Variants in HCN4 observed in about 807,000 individuals in gnomAD.
HCN4 encodes hyperpolarization activated cyclic nucleotide gated potassium channel 4.
A neutral mutation model predicts 76.9 loss-of-function variants in HCN4; 29 were observed. That is an observed-to-expected ratio of 0.38 (90% CI 0.28 to 0.51). The LOEUF is 0.51. HCN4 is among the 20% of genes least tolerant of loss of function. The probability of loss-of-function intolerance (pLI) is 0.90; values close to 1 mark genes in which losing one functional copy is unlikely to be tolerated. For synonymous variants in HCN4, 772 were observed against 762.5 expected (o/e 1.01, Z -0.21); for missense variants, 1,416 against 1,715.2 (o/e 0.83, Z 3.08).
At position 73,329,778 on chromosome 15, in the gene HCN4, C is replaced by T. The variant is rs146714274; in HGVS notation, c.1385G>A (p.Gly462Glu). The change falls in exon 4 of 8, where the codon GGG (glycine) becomes GAG (glutamate). Residue 462 changes from glycine to glutamate, a missense_variant. This residue lies in a region of HCN4 where 112 missense variants were observed against 259.9 expected (regional missense o/e 0.43). Transcript: ENST00000261917. ...SINNMVNNSW[G>E]KQYSYALFKA... ...GAAGAGCGCGTAGGAGTACTGCTTC[C>T]CCCAGGAGTTGTTCTGTGGACAGAC... The T allele has an allele frequency of 1.9e-6, 3 of 1,613,574 alleles. No homozygotes were observed. The African/African-American group carries it at 4.0e-5, about 22-fold the overall frequency.
chr15:73,326,714 C>T (rs1429805532), intron 4 of HCN4, among the ~76,000 whole-genome samples: 5 of 152,164 alleles, frequency 3.3e-5, no homozygotes, highest in African/African-American at 4.8e-5. Context: ...AAGCCACAGA[C>T]GCCTTGACTC....
rs536872373 is a variant in HCN4, at chr15:73,342,368, T to C, written c.1209+1017A>G. ...CAGTTTCTGAGCACAAGACTCCAAC[T>C]TGCCCGCGTGATTTCACTCTCTACA... On this transcript the variant is annotated intron_variant, in intron 2 of 7. Transcript: ENST00000261917. The C allele has an allele frequency of 3.7e-4, 56 of 152,352 alleles. 1 individual carries two copies. Among genetic ancestry groups the C allele is most frequent in the African/African-American group, 1.3e-3 (53 of 41,596 alleles). The allele number at this position is 152,352 out of a possible 1,614,324, so 9.4% of individuals were successfully genotyped here. A position where few individuals can be genotyped will look rare whatever the true frequency, so the allele number is the denominator to read the frequency against.
chr15:73,362,493 G>C (rs914345200), intron 1 of HCN4, among the ~76,000 whole-genome samples: 5 of 152,246 alleles, frequency 3.3e-5, no homozygotes, highest in Non-Finnish European at 7.3e-5. Context: ...TATTGAACAA[G>C]ATCGCCGGGT....
At chr15:73,336,613 C>T (rs990759828) in intron 2 of HCN4, among the ~76,000 whole-genome samples, 1 of 152,140 alleles carries the variant, frequency 6.6e-6, no homozygotes, top group Non-Finnish European at 1.5e-5. Context: ...AACAAAAACC[C>T]ACCAGCCAGC....
At chr15:73,326,767 C>CTTTT (rs1335965154) in intron 4 of HCN4, among the ~76,000 whole-genome samples, 5 of 150,998 alleles carry the variant, frequency 3.3e-5, no homozygotes, top group African/African-American at 1.2e-4. Flanking sequence ...TTCTTTTTTT[C>CTTTT]TTTTTATTTA....
At chr15:73,336,206 G>A (rs1032981940) in intron 2 of HCN4, among the ~76,000 whole-genome samples, 6 of 152,102 alleles carry the variant, frequency 3.9e-5, no homozygotes, top group Non-Finnish European at 5.9e-5. Context: ...CAAGCATGCC[G>A]TTCTCCTCCC....
Position 73,323,824 on chromosome 15 carries a change from G to A in HCN4, c.2269C>T (p.His757Tyr), listed in dbSNP as rs770747723. 1.6e-5 allele frequency: 25 copies of A among 1,606,282 alleles called. No homozygotes were observed. Among genetic ancestry groups the A allele is most frequent in the East Asian group, 2.2e-5 (1 of 44,878 alleles). ...GCAGAGGCAGCAGCCTGGACGCGGT[G>A]CGCGCAGTGGGCCATCTCCCGGTCA... Reference protein sequence around the residue: ...QHDREMAHCAHRVQAAASATP... With the variant: ...QHDREMAHCAYRVQAAASATP... The change falls in exon 8 of 8, where the codon CAC (histidine) becomes TAC (tyrosine). Residue 757 changes from histidine (H) to tyrosine (Y), a missense_variant. Coordinates refer to ENST00000261917, the MANE Select transcript of HCN4 (RefSeq NM_005477.3).
chr15:73,337,639 G>A (rs2042974837), intron 2 of HCN4, among the ~76,000 whole-genome samples: 1 of 152,210 alleles, frequency 6.6e-6, no homozygotes, highest in Non-Finnish European at 1.5e-5. Flanking sequence ...TCTCAGCAAT[G>A]AACACGGCAC....
chr15:73,359,569 A>T (rs2043096158), intron 1 of HCN4, among the ~76,000 whole-genome samples: 1 of 152,086 alleles, frequency 6.6e-6, no homozygotes, highest in Non-Finnish European at 1.5e-5. Flanking sequence ...AAGGGCACCG[A>T]AATTGGCTCA....
At position 73,323,079 on chromosome 15, in the gene HCN4, G is replaced by A. The variant is rs780624939; in HGVS notation, c.3014C>T (p.Ser1005Phe). 1 of 1,570,838 alleles carries A rather than the reference G, an allele frequency of 6.4e-7. No individual in the cohort carries two copies. The highest frequency in any genetic ancestry group is 8.6e-7 in the Non-Finnish European group (1 of 1,161,640). The change falls in exon 8 of 8, where the codon TCC becomes TTC. Residue 1005 changes from serine to phenylalanine, a missense_variant. Ser to Phe is a radical substitution (Grantham distance 155). Around this residue, in one of 6 missense-constraint regions of HCN4, gnomAD observed 633 missense variants for 579.8 expected, o/e 1.09. Transcript: ENST00000261917. ...ETPPRQPEPP[S>F]LVAGASGGAS... ...CCCCCCAGAGGCCCCTGCCACAAGGGACGGCGGCTCAGGCTGCCGTGGGGG... is the reference window on the plus strand; with the variant it reads ...CCCCCCAGAGGCCCCTGCCACAAGGAACGGCGGCTCAGGCTGCCGTGGGGG...
rs1398025154 is a variant in HCN4, at chr15:73,325,512, T to G, written c.1591-68A>C. 4 of 1,543,390 alleles carry G rather than the reference T, an allele frequency of 2.6e-6. No individual in the cohort carries two copies. Among genetic ancestry groups the G allele is most frequent in the Non-Finnish European group, 3.6e-6 (4 of 1,115,922 alleles). ...GGCGTCAGCAGCCAGCCCCACCACC[T>G]CGGCAGGCACCACATCCGGGCACCC... On this transcript the variant is annotated intron_variant, in intron 4 of 7. Transcript: ENST00000261917. The surrounding 1 kb of genome is among the most constrained non-coding windows in gnomAD (Gnocchi z 7.4).
chr15:73,321,597 T>C lies in HCN4; in HGVS notation c.*884A>G, dbSNP rs2042858488. The C allele has an allele frequency of 6.6e-6, 1 of 152,608 alleles. No individual in the cohort carries two copies. The highest frequency in any genetic ancestry group is 2.1e-4 in the South Asian group (1 of 4,810). The allele number at this position is 152,608 out of a possible 1,614,324, so 9.5% of individuals were successfully genotyped here. A position where few individuals can be genotyped will look rare whatever the true frequency, so the allele number is the denominator to read the frequency against. Reference sequence around the variant, plus strand: ...AAACTGACGGCCCCAGAGGTGGCGGTGTGTGCTTGAGGCCCTAGGAAAGGG... The same window carrying C: ...AAACTGACGGCCCCAGAGGTGGCGGCGTGTGCTTGAGGCCCTAGGAAAGGG... On this transcript the variant is annotated 3_prime_UTR_variant, in exon 8 of 8. Coordinates refer to ENST00000261917, the MANE Select transcript of HCN4 (RefSeq NM_005477.3).
intron 6 of HCN4, 51 bp from the exon 7 acceptor site, chr15:73,324,304 A>AG: frequency 6.3e-7 from 1 of 1,591,730 alleles, no homozygotes; most frequent in Non-Finnish European, 8.6e-7. Context: ...TGCCCAGGCC[A>AG]GGGGGACTGC....
Position 73,322,531 on chromosome 15 carries a change from G to T in HCN4, c.3562C>A (p.Pro1188Thr). 2 of 1,604,932 alleles carry T rather than the reference G, an allele frequency of 1.2e-6. No individual in the cohort carries two copies. Among genetic ancestry groups the T allele is most frequent in the Non-Finnish European group, 1.7e-6 (2 of 1,175,926 alleles). The change falls in exon 8 of 8, where the codon CCT becomes ACT. Residue 1188 changes from proline to threonine, a missense_variant. Transcript: ENST00000261917. ...PPLTAGPQREPGARPEPVRSK... is the reference protein window; with the variant it reads ...PPLTAGPQRETGARPEPVRSK... The stretch of plus-strand genomic sequence containing the variant: ...CGCACTGGCTCAGGCCTGGCCCCAG[G>T]TTCCCTCTGGGGTCCAGCAGTCAGA...
chr15:73,344,601 T>C (rs2043021988), intron 1 of HCN4, among the ~76,000 whole-genome samples: 1 of 152,192 alleles, frequency 6.6e-6, no homozygotes, highest in Admixed American at 6.5e-5. Flanking sequence ...ACCAGTGAGA[T>C]ACCACTCAAT....
chr15:73,324,288 A>C (rs769146312), intron 6 of HCN4, 35 bp from the exon 7 acceptor site: 2 of 1,609,632 alleles, frequency 1.2e-6, no homozygotes, highest in Non-Finnish European at 1.7e-6. Flanking sequence ...TGAGGCATGC[A>C]CAGCCTGCCC....
At chr15:73,352,603 C>T (rs992991781) in intron 1 of HCN4, among the ~76,000 whole-genome samples, 2 of 152,226 alleles carry the variant, frequency 1.3e-5, no homozygotes, top group African/African-American at 4.8e-5. Context: ...GACTGCCAAC[C>T]AGGGCCCTGA....
At position 73,343,600 on chromosome 15, in the gene HCN4, G is replaced by T; in HGVS notation, c.994C>A (p.Arg332=). The T allele has an allele frequency of 6.2e-7, 1 of 1,614,106 alleles. No homozygotes were observed. Among genetic ancestry groups the T allele is most frequent in the Non-Finnish European group, 8.5e-7 (1 of 1,180,028 alleles). Residue 332 remains arginine, a synonymous_variant, in exon 2 of 8, where the codon CGG becomes AGG. Transcript: ENST00000261917. This position sits in a 1 kb window ranked among gnomAD's most constrained non-coding sequence, Gnocchi z 5.7. The part of the protein sequence containing the change: ...DNTEIILDPQ[R]IKMKYLKSWF... ...CTTTTCAGGTACTTCATTTTAATCC[G>T]CTGCGGGTCCAGGATGATCTCTGTG... is the stretch of plus-strand genomic sequence containing the variant.
intron 2 of HCN4, among the ~76,000 whole-genome samples, chr15:73,342,679 T>A (rs1445672855): frequency 6.6e-6 from 1 of 152,224 alleles, no homozygotes; most frequent in Non-Finnish European, 1.5e-5. Context: ...CTTACCAGAT[T>A]TTCCTGGGAA....
Sources: allele counts gnomAD v4.1 joint callset (sites outside exome capture counted in the v4.1 genomes callset), GRCh38; gene constraint gnomAD v4.1.1; regional missense constraint gnomAD v4.1.1; non-coding constraint Gnocchi (gnomAD v3.1); transcripts MANE v1.5; gene names NCBI Gene and HGNC (gene_info 2026-07-23, HGNC 2026-07-21).